Variants in CELF2 observed in about 807,000 individuals in gnomAD.
CELF2 encodes the protein CUG triplet repeat RNA-binding protein 2.
Under a neutral mutation model 62.6 loss-of-function variants are expected in CELF2, and 8 were observed. That is an observed-to-expected ratio of 0.13 (90% CI 0.07 to 0.23). The LOEUF is 0.23. Ranked by LOEUF, CELF2 falls within the 10% of genes least tolerant of loss-of-function variation. The probability of loss-of-function intolerance (pLI) is 1.00; values close to 1 mark genes in which losing one functional copy is unlikely to be tolerated. For synonymous variants in CELF2, 258 were observed against 250.0 expected (o/e 1.03, Z -0.30); for missense variants, 333 against 671.0 (o/e 0.50, Z 5.56).
chr10:10,711,968 G>A, the CELF2 span, among the ~76,000 whole-genome samples: 1 of 152,012 alleles, frequency 6.6e-6, no homozygotes, highest in South Asian at 2.1e-4. Flanking sequence ...ATGGCTAAAT[G>A]TTTATGTCTG....
At chr10:11,100,707 G>A (rs1174792177) in intron 1 of CELF2, among the ~76,000 whole-genome samples, 2 of 152,060 alleles carry the variant, frequency 1.3e-5, no homozygotes, top group Admixed American at 1.3e-4. Flanking sequence ...AAGAGTTCCC[G>A]TAGCATTTTA....
chr10:10,677,147 G>A, the CELF2 span, among the ~76,000 whole-genome samples: 1 of 152,118 alleles, frequency 6.6e-6, no homozygotes, highest in Non-Finnish European at 1.5e-5. Flanking sequence ...TTATTCTCTG[G>A]GGACATTAGA....
the CELF2 span, among the ~76,000 whole-genome samples, chr10:10,574,076 TA>T: frequency 6.6e-6 from 1 of 152,138 alleles, no homozygotes; most frequent in African/African-American, 2.4e-5. Context: ...GTTGGGAAGT[TA>T]AAAATGGCCT....
intron 1 of CELF2, among the ~76,000 whole-genome samples, chr10:10,893,206 A>T (rs2062277030): frequency 6.6e-6 from 1 of 152,240 alleles, no homozygotes; most frequent in African/African-American, 2.4e-5. Flanking sequence ...GGCATTTCAC[A>T]CAGAGACACA....
Position 10,939,467 on chromosome 10 carries a change from G to C in CELF2, c.89+19468G>C, listed in dbSNP as rs1564851762. Among the ~76,000 whole-genome samples, 4 of 151,842 alleles carry C rather than the reference G, an allele frequency of 2.6e-5. No homozygotes were observed. In the South Asian group the frequency reaches 6.2e-4, roughly 24 times the overall value. On this transcript the variant is annotated intron_variant, in intron 2 of 13. Transcript: ENST00000636488. Reference sequence around the variant, plus strand: ...CGCCATGATAATTTTTGTATTTTTAGTAGAGACAGGGTTTCACCATGTTGG... The same window carrying C: ...CGCCATGATAATTTTTGTATTTTTACTAGAGACAGGGTTTCACCATGTTGG...
chr10:10,966,854 C>T (rs995202173), intron 2 of CELF2: 1 of 152,170 alleles, frequency 6.6e-6, no homozygotes, highest in Non-Finnish European at 1.5e-5. Context: ...GTGAAGAAAG[C>T]AATCATTACC....
intron 1 of CELF2, among the ~76,000 whole-genome samples, chr10:11,082,357 T>G (rs1351249619): frequency 6.6e-6 from 1 of 152,244 alleles, no homozygotes; most frequent in Non-Finnish European, 1.5e-5. Flanking sequence ...GCCCAGGTGC[T>G]GATATCTATC....
intron 1 of CELF2, among the ~76,000 whole-genome samples, chr10:11,153,330 G>A (rs974565826): frequency 9.9e-5 from 15 of 152,092 alleles, no homozygotes; most frequent in Admixed American, 7.2e-4. Context: ...GCTTGTCACC[G>A]AAGCTTCATT....
the CELF2 span, among the ~76,000 whole-genome samples, chr10:10,715,500 C>G: frequency 3.3e-5 from 5 of 152,136 alleles, no homozygotes; most frequent in Non-Finnish European, 7.4e-5. Context: ...TTACTGTTTA[C>G]TACCTTTATA....
At chr10:10,672,279 G>C in the CELF2 span, among the ~76,000 whole-genome samples, 2 of 152,000 alleles carry the variant, frequency 1.3e-5, no homozygotes, top group Non-Finnish European at 2.9e-5. Flanking sequence ...TCCTTTCAAG[G>C]TTCCCGCCAT....
rs954086675 is a variant in CELF2, at chr10:10,995,564, C to T, written c.89+75565C>T. ...GTTCAGGTGTGCCAGGTGAGAATAC[C>T]TGAGAGATGAGTTGGAGACATAGGT... On this transcript the variant is annotated intron_variant, in intron 2 of 13. Transcript: ENST00000636488. The surrounding 1 kb of genome is among the most constrained non-coding windows in gnomAD (Gnocchi z 4.7). Among the ~76,000 whole-genome samples, 9 of 152,146 alleles carry T rather than the reference C, an allele frequency of 5.9e-5. No homozygotes were observed. Among genetic ancestry groups the T allele is most frequent in the African/African-American group, 2.2e-4 (9 of 41,430 alleles).
chr10:10,659,090 C>T, the CELF2 span, among the ~76,000 whole-genome samples: 13 of 152,220 alleles, frequency 8.5e-5, no homozygotes, highest in African/African-American at 3.1e-4. Context: ...GCTACCTAGA[C>T]CCTTGTTGTA....
At chr10:10,571,551 C>A in the CELF2 span, among the ~76,000 whole-genome samples, 2 of 151,344 alleles carry the variant, frequency 1.3e-5, no homozygotes, top group Admixed American at 1.3e-4. Context: ...TTGTACCAAG[C>A]AGTAATAATA....
At chr10:10,592,392 C>T in the CELF2 span, among the ~76,000 whole-genome samples, 58 of 152,220 alleles carry the variant, frequency 3.8e-4, no homozygotes, top group African/African-American at 1.3e-3. Context: ...AAATGGATTC[C>T]GATTTCTATT....
At chr10:10,860,193 T>G (rs1362002827) in intron 1 of CELF2, among the ~76,000 whole-genome samples, 1 of 152,202 alleles carries the variant, frequency 6.6e-6, no homozygotes, top group East Asian at 1.9e-4. Context: ...TCATGTATAC[T>G]TGTGCATTGG....
the CELF2 span, among the ~76,000 whole-genome samples, chr10:10,721,273 C>A: frequency 6.6e-6 from 1 of 152,098 alleles, no homozygotes; most frequent in Non-Finnish European, 1.5e-5. Flanking sequence ...TTAAAAGTAG[C>A]CAAATAGATC....
Position 10,855,581 on chromosome 10 carries a change from G to C in CELF2, c.53+56764G>C, listed in dbSNP as rs61707062. Among the ~76,000 whole-genome samples the C allele has an allele frequency of 4.6e-3, 702 of 152,318 alleles. 6 individuals carry two copies. The highest frequency in any genetic ancestry group is 0.016 in the African/African-American group (674 of 41,572). On this transcript the variant is annotated intron_variant, in intron 1 of 13. Coordinates refer to the CELF2 transcript ENST00000636488. ...GCTTAGCTACCAGACTTATTTTACA[G>C]CCTGTTTCTGACATAACAAAGAAAG...
intron 2 of CELF2, among the ~76,000 whole-genome samples, chr10:11,179,441 C>A (rs548335899): frequency 2.1e-4 from 32 of 152,240 alleles, no homozygotes; most frequent in African/African-American, 7.5e-4. Context: ...AATTTGCGTG[C>A]CTAGCTCGGT....
At chr10:10,596,287 AC>A in the CELF2 span, among the ~76,000 whole-genome samples, 1 of 152,158 alleles carries the variant, frequency 6.6e-6, no homozygotes, top group East Asian at 1.9e-4. Context: ...TAGCAATACC[AC>A]ATTCAAGTCT....
Sources: allele counts gnomAD v4.1 joint callset (sites outside exome capture counted in the v4.1 genomes callset), GRCh38; gene constraint gnomAD v4.1.1; non-coding constraint Gnocchi (gnomAD v3.1); transcripts MANE v1.5; gene names NCBI Gene and HGNC (gene_info 2026-07-23, HGNC 2026-07-21).